RUNX2: variants seen among roughly 807,000 people sequenced by gnomAD.
RUNX2 encodes RUNX family transcription factor 2.
A neutral mutation model predicts 51.7 loss-of-function variants in RUNX2; 10 were observed. The observed-to-expected ratio is 0.19, with a 90% CI of 0.12 to 0.33. RUNX2 has a LOEUF of 0.33. Ranked by LOEUF, RUNX2 falls within the 10% of genes least tolerant of loss-of-function variation. RUNX2 has a pLI of 1.00. For synonymous variants in RUNX2, 276 were observed against 273.6 expected (o/e 1.01, Z -0.09); for missense variants, 562 against 691.3 (o/e 0.81, Z 2.10).
At chr6:45,443,452 G>A (rs1353946287) in intron 5 of RUNX2, among the ~76,000 whole-genome samples, 1 of 152,068 alleles carries the variant, frequency 6.6e-6, no homozygotes, top group Non-Finnish European at 1.5e-5. Flanking sequence ...GGATTTAAGG[G>A]AAAAAAACCA....
chr6:45,383,112 ATTATC>A (rs1797275397), intron 2 of RUNX2, among the ~76,000 whole-genome samples: 1 of 152,182 alleles, frequency 6.6e-6, no homozygotes, highest in Non-Finnish European at 1.5e-5. Flanking sequence ...TGATGTTTGT[ATTATC>A]TTTAATGTTT....
intron 5 of RUNX2, among the ~76,000 whole-genome samples, chr6:45,466,965 T>A (rs770960264): frequency 4.6e-5 from 7 of 152,340 alleles, no homozygotes; most frequent in Admixed American, 3.9e-4. Context: ...TTTTTCTTGC[T>A]CCTAACCACC....
At chr6:45,458,022 A>ATTTTTTTTTTTTT (rs67652614) in intron 5 of RUNX2, among the ~76,000 whole-genome samples, 1 of 137,716 alleles carries the variant, frequency 7.3e-6, no homozygotes, top group African/African-American at 2.8e-5. Context: ...CTGGGATAGG[A>ATTTTTTTTTTTTT]TTTTTTTTTT....
chr6:45,513,807 C>T (rs533503442), intron 7 of RUNX2, among the ~76,000 whole-genome samples: 5 of 152,298 alleles, frequency 3.3e-5, no homozygotes, highest in Non-Finnish European at 5.9e-5. Context: ...GTTATCATTT[C>T]CCTTGCCTGG....
At chr6:45,524,438 T>C (rs760537711) in intron 7 of RUNX2, among the ~76,000 whole-genome samples, 23 of 152,172 alleles carry the variant, frequency 1.5e-4, no homozygotes, top group Non-Finnish European at 2.6e-4. Flanking sequence ...CCTGTGCTTT[T>C]GTATCTAAAG....
intron 5 of RUNX2, among the ~76,000 whole-genome samples, chr6:45,473,447 C>G (rs1256282922): frequency 6.6e-6 from 1 of 152,186 alleles, no homozygotes; most frequent in Non-Finnish European, 1.5e-5. Flanking sequence ...CATCTCTCTC[C>G]TTTTCTTTGA....
chr6:45,410,678 G>A (rs1198475735), intron 2 of RUNX2, among the ~76,000 whole-genome samples: 1 of 152,148 alleles, frequency 6.6e-6, no homozygotes, highest in Non-Finnish European at 1.5e-5. Context: ...ATAGGACATA[G>A]TTCCTACGGT....
At chr6:45,340,365 C>G (rs1789506840) in intron 2 of RUNX2, among the ~76,000 whole-genome samples, 1 of 152,098 alleles carries the variant, frequency 6.6e-6, no homozygotes, top group Non-Finnish European at 1.5e-5. Flanking sequence ...ACTCTGTCAC[C>G]CAGGCTAGAG....
intron 2 of RUNX2, among the ~76,000 whole-genome samples, chr6:45,409,980 G>A (rs1297773676): frequency 1.3e-5 from 2 of 152,308 alleles, no homozygotes; most frequent in East Asian, 1.9e-4. Context: ...AGAAAAATGA[G>A]TCTGAGTTTG....
At chr6:45,536,322 G>A (rs1177143833) in intron 7 of RUNX2, among the ~76,000 whole-genome samples, 2 of 152,112 alleles carry the variant, frequency 1.3e-5, no homozygotes, top group Admixed American at 6.5e-5. Context: ...GGTCCTCACA[G>A]GATACAGTTT....
At chr6:45,478,632 G>C (rs1290212690) in intron 5 of RUNX2, among the ~76,000 whole-genome samples, 1 of 138,770 alleles carries the variant, frequency 7.2e-6, no homozygotes, top group Non-Finnish European at 1.6e-5. Flanking sequence ...CACTAATTGT[G>C]TGTAAATGTG....
Position 45,422,652 on chromosome 6 carries a change from A to G in RUNX2, c.118A>G (p.Ser40Gly). Residue 40 changes from serine (S) to glycine (G), a missense_variant, in exon 3 of 9, where the codon AGC becomes GGC. Ser to Gly is a moderately conservative substitution (Grantham distance 56). Coordinates refer to ENST00000647337, the MANE Select transcript of RUNX2 (RefSeq NM_001024630.4). ...PSSSLQPGKM[S>G]DVSPVVAAQQ... ...CAGCAGCCTGCAGCCCGGCAAAATG[A>G]GCGACGTGAGCCCGGTGGTGGCTGC... 1 of 1,606,068 alleles carries G rather than the reference A, an allele frequency of 6.2e-7. No homozygotes were observed. Among genetic ancestry groups the G allele is most frequent in the Non-Finnish European group, 8.5e-7 (1 of 1,177,118 alleles).
intron 5 of RUNX2, among the ~76,000 whole-genome samples, chr6:45,447,932 C>T (rs1270782223): frequency 2.9e-5 from 4 of 137,842 alleles, no homozygotes; most frequent in Non-Finnish European, 4.8e-5. Context: ...CTGCTGAAAG[C>T]CTGTCTGCTT....
chr6:45,474,373 A>ATGTGTGTG (rs56719456), intron 5 of RUNX2, among the ~76,000 whole-genome samples: 3 of 149,418 alleles, frequency 2.0e-5, no homozygotes, highest in Admixed American at 6.6e-5. Context: ...TGTTTTATAT[A>ATGTGTGTG]TGTGTGTGTG....
chr6:45,523,154 A>T (rs947947044), intron 7 of RUNX2, among the ~76,000 whole-genome samples: 1 of 152,234 alleles, frequency 6.6e-6, no homozygotes, highest in Non-Finnish European at 1.5e-5. Context: ...GATCACTGAC[A>T]TCCCTATGTC....
intron 5 of RUNX2, among the ~76,000 whole-genome samples, chr6:45,455,734 C>T (rs561895563): frequency 3.9e-5 from 6 of 152,300 alleles, no homozygotes; most frequent in South Asian, 2.1e-4. Flanking sequence ...ATCAGCAATA[C>T]GCCTTTAAGT....
chr6:45,468,878 C>A (rs1218210232), intron 5 of RUNX2, among the ~76,000 whole-genome samples: 1 of 152,218 alleles, frequency 6.6e-6, no homozygotes, highest in Non-Finnish European at 1.5e-5. Context: ...ATTTCCCAAA[C>A]TCCCAAGGAG....
At chr6:45,482,404 G>T (rs1019138035) in intron 5 of RUNX2, among the ~76,000 whole-genome samples, 4 of 152,200 alleles carry the variant, frequency 2.6e-5, no homozygotes, top group African/African-American at 9.7e-5. Context: ...TTTGATTGTT[G>T]TGATTCGCCA....
intron 5 of RUNX2, among the ~76,000 whole-genome samples, chr6:45,455,238 G>A (rs1053703810): frequency 6.6e-6 from 1 of 152,210 alleles, no homozygotes. Context: ...TTGTACAATA[G>A]CATCTTAAAT....
Sources: allele counts gnomAD v4.1 joint callset (sites outside exome capture counted in the v4.1 genomes callset), GRCh38; gene constraint gnomAD v4.1.1; transcripts MANE v1.5; gene names NCBI Gene and HGNC (gene_info 2026-07-23, HGNC 2026-07-21).